The following INHBC variants were observed in gnomAD, a reference collection of about 807,000 sequenced individuals.
INHBC encodes inhibin beta C chain.
INHBC carries 10 observed loss-of-function variants against 12.4 expected under a neutral mutation model. That is an observed-to-expected ratio of 0.81 (90% CI 0.50 to 1.37). The LOEUF (loss-of-function observed/expected upper bound fraction) is 1.37, where lower values mean the gene tolerates loss of function less well. Ranked by LOEUF, INHBC falls within the 40% of genes most tolerant of loss-of-function variation. The probability of loss-of-function intolerance (pLI) is 0.00; values close to 1 mark genes in which losing one functional copy is unlikely to be tolerated. For missense variants in INHBC, 382 were observed against 439.4 expected (o/e 0.87, Z 1.17); for synonymous variants, 147 against 171.6 (o/e 0.86, Z 1.12).
chr12:57,441,354 CAAAAAAAAA>C (rs1171735520), intron 1 of INHBC, among the ~76,000 whole-genome samples: 7 of 33,930 alleles, frequency 2.1e-4, no homozygotes, highest in African/African-American at 4.1e-4. Flanking sequence ...AATTCCATCT[CAAAAAAAAA>C]AAAAAAAAAA....
chr12:57,449,586 G>A lies in INHBC; in HGVS notation c.623G>A (p.Ser208Asn), dbSNP rs1870663216. ...GTACTTGAAGGCCAGGTAGCCCAGAGCTCAGTCATCCTGGGTGGAGCTGCC... is the reference window on the plus strand; with the variant it reads ...GTACTTGAAGGCCAGGTAGCCCAGAACTCAGTCATCCTGGGTGGAGCTGCC... ...ELVLEGQVAQ[S>N]SVILGGAAHR... Residue 208 changes from serine to asparagine, a missense_variant, in exon 2 of 2, where the codon AGC (serine) becomes AAC (asparagine). Coordinates refer to ENST00000309668, the MANE Select transcript of INHBC (RefSeq NM_005538.4). 2 of 1,614,150 alleles carry A rather than the reference G, an allele frequency of 1.2e-6. No individual in the cohort carries two copies. Among genetic ancestry groups the A allele is most frequent in the Non-Finnish European group, 1.7e-6 (2 of 1,180,058 alleles).
chr12:57,449,810 C>T lies in INHBC; in HGVS notation c.847C>T (p.His283Tyr). The part of the protein sequence containing the change: ...MNFCIGQCPL[H>Y]IAGMPGIAAS... The stretch of plus-strand genomic sequence containing the variant: ...CTTCTGCATAGGGCAGTGCCCACTA[C>T]ACATAGCAGGCATGCCTGGTATTGC... Residue 283 changes from histidine to tyrosine, a missense_variant, in exon 2 of 2, where the codon CAC becomes TAC. His to Tyr is a moderately conservative substitution (Grantham distance 83). Coordinates refer to ENST00000309668, the MANE Select transcript of INHBC (RefSeq NM_005538.4). 4 of 1,613,692 alleles carry T rather than the reference C, an allele frequency of 2.5e-6. No individual in the cohort carries two copies. The highest frequency in any genetic ancestry group is 3.4e-6 in the Non-Finnish European group (4 of 1,179,666).
In INHBC at chr12:57,439,482, T is replaced by A. The variant is rs369001277; in HGVS notation, c.313+4283T>A. Among the ~76,000 whole-genome samples the A allele has an allele frequency of 7.2e-5, 11 of 152,304 alleles. No homozygotes were observed. In the East Asian group the frequency reaches 1.2e-3, roughly 16 times the overall value. ...GTCTTTCCTTTTAAATAGGAAATAA[T>A]CTGTGTTTGTGGCTGAGTAGTTTTC... On this transcript the variant is annotated intron_variant, in intron 1 of 1. Transcript: ENST00000309668.
chr12:57,447,703 G>A (rs1870609835), intron 1 of INHBC, among the ~76,000 whole-genome samples: 1 of 148,208 alleles, frequency 6.7e-6, no homozygotes, highest in African/African-American at 2.5e-5. Context: ...TGACCAACAT[G>A]GAGAAACCCT....
intron 1 of INHBC, 53 bp from the exon 2 acceptor site, chr12:57,449,224 G>C: frequency 6.4e-7 from 1 of 1,557,462 alleles, no homozygotes; most frequent in South Asian, 1.2e-5. Context: ...AGAAATAGTT[G>C]GTAGAACTGA....
At position 57,434,954 on chromosome 12, in the gene INHBC, G is replaced by A. The variant is rs745959996; in HGVS notation, c.68G>A (p.Gly23Asp). Residue 23 changes from glycine to aspartate, a missense_variant, in exon 1 of 2, where the codon GGC becomes GAC. By Grantham distance (94) the Gly-to-Asp change is moderately conservative. Transcript: ENST00000309668. Reference sequence around the variant, plus strand: ...ACCACAGTGGCCACTCCCAGAGCTGGCGGTCAGTGTCCAGCATGTGGGGGG... The same window carrying A: ...ACCACAGTGGCCACTCCCAGAGCTGACGGTCAGTGTCCAGCATGTGGGGGG... ...APTTVATPRA[G>D]GQCPACGGPT... 1.2e-6 allele frequency: 2 copies of A among 1,614,070 alleles called. No homozygotes were observed. The highest frequency in any genetic ancestry group is 1.1e-5 in the South Asian group (1 of 91,090).
intron 1 of INHBC, among the ~76,000 whole-genome samples, chr12:57,442,868 C>T (rs1870494315): frequency 6.6e-6 from 1 of 151,484 alleles, no homozygotes; most frequent in African/African-American, 2.4e-5. Flanking sequence ...GCAGGTGCCT[C>T]TAATCCCAGC....
intron 1 of INHBC, among the ~76,000 whole-genome samples, chr12:57,435,408 G>A (rs1171245759): frequency 6.6e-6 from 1 of 152,170 alleles, no homozygotes; most frequent in African/African-American, 2.4e-5. Flanking sequence ...TAGGCAGCTG[G>A]AAAGCTGGTA....
At chr12:57,446,341 T>C (rs1870578382) in intron 1 of INHBC, among the ~76,000 whole-genome samples, 1 of 151,538 alleles carries the variant, frequency 6.6e-6, no homozygotes, top group Non-Finnish European at 1.5e-5. Context: ...CAGGGAGAGG[T>C]CAGGACCAGA....
intron 1 of INHBC, among the ~76,000 whole-genome samples, chr12:57,449,014 A>G (rs1870647177): frequency 6.6e-6 from 1 of 152,124 alleles, no homozygotes; most frequent in Admixed American, 6.6e-5. Context: ...TTATCCTTTT[A>G]TAAGGTACCC....
chr12:57,451,979 A>G lies in INHBC; in HGVS notation c.*1957A>G, dbSNP rs374511261. 3.6e-5 allele frequency: 13 copies of G among 359,926 alleles called. No homozygotes were observed. The highest frequency in any genetic ancestry group is 1.9e-4 in the African/African-American group (9 of 46,682). The allele number at this position is 359,926 out of a possible 1,614,324, so 22.3% of individuals were successfully genotyped here. On this transcript the variant is annotated 3_prime_UTR_variant, in exon 2 of 2. Coordinates refer to ENST00000309668, the MANE Select transcript of INHBC (RefSeq NM_005538.4). ...TTAATCAAGATAGGACTTTAATGCA[A>G]TATTATTTTAAAGTCAAAATTAATG...
At chr12:57,445,501 A>G (rs1870553800) in intron 1 of INHBC, among the ~76,000 whole-genome samples, 1 of 152,212 alleles carries the variant, frequency 6.6e-6, no homozygotes, top group Admixed American at 6.5e-5. Context: ...TAGAGGATAA[A>G]CACAATCAAG....
intron 1 of INHBC, among the ~76,000 whole-genome samples, chr12:57,440,249 T>C (rs1870434655): frequency 6.6e-6 from 1 of 152,060 alleles, no homozygotes; most frequent in Non-Finnish European, 1.5e-5. Context: ...ATTAGCAACA[T>C]AGAGTAAGCG....
rs1257125145 is a variant in INHBC at position 57,451,513 on chromosome 12, C to T, written c.*1491C>T. 6.6e-6 allele frequency among the ~76,000 whole-genome samples: 1 copy of T among 152,186 alleles called. No individual in the cohort carries two copies. The highest frequency in any genetic ancestry group is 1.9e-4 in the East Asian group (1 of 5,196). ...CCTTTGCCCGTCCTCCCCCACATCT[C>T]CTCCCTTTGGCTGGACAGTCCTGAA... On this transcript the variant is annotated 3_prime_UTR_variant, in exon 2 of 2. Coordinates refer to ENST00000309668, the MANE Select transcript of INHBC (RefSeq NM_005538.4).
chr12:57,451,390 G>A lies in INHBC; in HGVS notation c.*1368G>A, dbSNP rs1386921628. On this transcript the variant is annotated 3_prime_UTR_variant, in exon 2 of 2. Transcript: ENST00000309668. Reference sequence around the variant, plus strand: ...CTCCACCCAGGAGTCCTGCCTGGAAGCTGGAATGGGCAAGGGCTGCTGGAG... The same window carrying A: ...CTCCACCCAGGAGTCCTGCCTGGAAACTGGAATGGGCAAGGGCTGCTGGAG... 1.3e-5 allele frequency among the ~76,000 whole-genome samples: 2 copies of A among 152,206 alleles called. No individual in the cohort carries two copies. Among genetic ancestry groups the A allele is most frequent in the Admixed American group, 6.5e-5 (1 of 15,282 alleles).
rs1475649412 is a variant in INHBC, at chr12:57,449,510, G to A, written c.547G>A (p.Gly183Arg). The A allele has an allele frequency of 6.2e-7, 1 of 1,614,006 alleles. No individual in the cohort carries two copies. Among genetic ancestry groups the A allele is most frequent in the African/African-American group, 1.3e-5 (1 of 74,924 alleles). The stretch of plus-strand genomic sequence containing the variant: ...CAGTGGCTGGCATCAACTCCCCCTA[G>A]GGCCTGAAGCTCAAGCTGCCTGCAG... The part of the protein sequence containing the change: ...DASGWHQLPL[G>R]PEAQAACSQG... The change falls in exon 2 of 2, where the codon GGG becomes AGG. Residue 183 changes from glycine to arginine, a missense_variant. Gly to Arg is a moderately radical substitution (Grantham distance 125, BLOSUM62 -2). Transcript: ENST00000309668.
chr12:57,442,410 C>T (rs1472009478), intron 1 of INHBC, among the ~76,000 whole-genome samples: 3 of 152,154 alleles, frequency 2.0e-5, no homozygotes, highest in African/African-American at 7.2e-5. Flanking sequence ...ACTGGAGTGA[C>T]TTAAAAGGTA....
At position 57,450,655 on chromosome 12, in the gene INHBC, G is replaced by A. The variant is rs1032655106; in HGVS notation, c.*633G>A. On this transcript the variant is annotated 3_prime_UTR_variant, in exon 2 of 2. Coordinates refer to ENST00000309668, the MANE Select transcript of INHBC (RefSeq NM_005538.4). ...TGCCCTTAAGGGCTGACTTGCCTGA[G>A]CTCTATCACCTGAGCTCCCCTGCCC... 1.3e-5 allele frequency: 2 copies of A among 152,180 alleles called. No individual in the cohort carries two copies. Among genetic ancestry groups the A allele is most frequent in the Non-Finnish European group, 2.9e-5 (2 of 68,090 alleles). 9.4% of individuals were successfully genotyped at this position (152,180 alleles called of 1,614,324 possible).
intron 1 of INHBC, among the ~76,000 whole-genome samples, chr12:57,435,781 C>T (rs1296720947): frequency 6.6e-6 from 1 of 151,938 alleles, no homozygotes; most frequent in East Asian, 1.9e-4. Context: ...ATCCCAGCTA[C>T]TCAGAAGGCA....
Sources: allele counts gnomAD v4.1 joint callset (sites outside exome capture counted in the v4.1 genomes callset), GRCh38; gene constraint gnomAD v4.1.1; transcripts MANE v1.5; gene names NCBI Gene and HGNC (gene_info 2026-07-23, HGNC 2026-07-21).